The following SPMAP2L variants were observed in gnomAD, a reference collection of about 807,000 sequenced individuals.
The protein encoded by SPMAP2L is sperm microtubule associated protein 2 like.
the SPMAP2L span, among the ~76,000 whole-genome samples, chr4:56,587,101 C>G: frequency 1.3e-5 from 2 of 151,944 alleles, no homozygotes; most frequent in Non-Finnish European, 1.5e-5. Flanking sequence ...ATTTATAATT[C>G]CAGGAGTTTT....
At chr4:56,595,034 A>C in the SPMAP2L span, 1 of 1,606,602 alleles carries the variant, frequency 6.2e-7, no homozygotes. Flanking sequence ...CGGAATGAGG[A>C]TGCCTGTCCT....
At chr4:56,559,928 C>T in the SPMAP2L span, among the ~76,000 whole-genome samples, 1 of 152,146 alleles carries the variant, frequency 6.6e-6, no homozygotes, top group African/African-American at 2.4e-5. Context: ...ACAAATTGTT[C>T]AACGTGCAGT....
chr4:56,576,153 T>C, the SPMAP2L span, among the ~76,000 whole-genome samples: 2 of 152,216 alleles, frequency 1.3e-5, no homozygotes, highest in African/African-American at 4.8e-5. Context: ...TACTGTGTGC[T>C]ACTTTAGTCG....
the SPMAP2L span, chr4:56,593,483 C>T: frequency 3.5e-5 from 56 of 1,595,360 alleles, no homozygotes; most frequent in African/African-American, 9.4e-5. Context: ...GAAGACTTTA[C>T]GGAACTCGTG....
the SPMAP2L span, among the ~76,000 whole-genome samples, chr4:56,565,157 A>G: frequency 4.6e-5 from 7 of 152,216 alleles, no homozygotes; most frequent in African/African-American, 9.6e-5. Context: ...AAAGTGTTCT[A>G]TAAATGTCAC....
At chr4:56,610,225 G>A in the SPMAP2L span, among the ~76,000 whole-genome samples, 1 of 152,146 alleles carries the variant, frequency 6.6e-6, no homozygotes, top group African/African-American at 2.4e-5. Flanking sequence ...TCACCAAACA[G>A]CATAGTACTG....
chr4:56,601,361 G>T, the SPMAP2L span, among the ~76,000 whole-genome samples: 2 of 152,168 alleles, frequency 1.3e-5, no homozygotes, highest in Non-Finnish European at 2.9e-5. Context: ...GATCACACCT[G>T]TAATCCTAGT....
At chr4:56,611,188 C>T in the SPMAP2L span, among the ~76,000 whole-genome samples, 1 of 152,168 alleles carries the variant, frequency 6.6e-6, no homozygotes, top group Admixed American at 6.5e-5. Context: ...AATGTGGAAC[C>T]AACCCAAATG....
the SPMAP2L span, among the ~76,000 whole-genome samples, chr4:56,534,017 A>T: frequency 6.6e-6 from 1 of 152,116 alleles, no homozygotes; most frequent in African/African-American, 2.4e-5. Flanking sequence ...AAAATGCACA[A>T]TAACTCTTAT....
At chr4:56,554,108 G>A in the SPMAP2L span, among the ~76,000 whole-genome samples, 20 of 152,114 alleles carry the variant, frequency 1.3e-4, no homozygotes, top group South Asian at 3.3e-3. Context: ...CTATTTAAGG[G>A]CATCATGGTT....
chr4:56,578,949 A>G, the SPMAP2L span, among the ~76,000 whole-genome samples: 1,040 of 152,126 alleles, frequency 6.8e-3, 13 homozygotes, highest in African/African-American at 0.024. Context: ...AGGAAAGATA[A>G]CAACTATAAA....
chr4:56,571,161 T>C, the SPMAP2L span, among the ~76,000 whole-genome samples: 1 of 151,820 alleles, frequency 6.6e-6, no homozygotes, highest in East Asian at 1.9e-4. Context: ...TTGACTATTT[T>C]ATAATAACAC....
the SPMAP2L span, among the ~76,000 whole-genome samples, chr4:56,587,301 CA>C: frequency 2.8e-5 from 4 of 144,666 alleles, no homozygotes; most frequent in South Asian, 2.2e-4. Context: ...TTGATTTCTT[CA>C]TTCAACTTTT....
chr4:56,533,783 C>CA, the SPMAP2L span, among the ~76,000 whole-genome samples: 32,061 of 136,044 alleles, frequency 0.24, 3,879 homozygotes, highest in African/African-American at 0.31. Flanking sequence ...CTCCTTTCTA[C>CA]AAAAAAAAAA....
At chr4:56,569,732 G>T in the SPMAP2L span, among the ~76,000 whole-genome samples, 1 of 152,098 alleles carries the variant, frequency 6.6e-6, no homozygotes, top group Non-Finnish European at 1.5e-5. Flanking sequence ...ACTTGAGCCT[G>T]GGAGGTCGAG....
chr4:56,537,811 G>C, the SPMAP2L span, among the ~76,000 whole-genome samples: 1 of 151,972 alleles, frequency 6.6e-6, no homozygotes, highest in East Asian at 1.9e-4. Flanking sequence ...TCCTGCTTCA[G>C]CCTCCCGAGT....
the SPMAP2L span, among the ~76,000 whole-genome samples, chr4:56,623,252 T>A: frequency 1.3e-5 from 2 of 152,190 alleles, no homozygotes; most frequent in Non-Finnish European, 2.9e-5. Flanking sequence ...TCTCCTTTTT[T>A]CTTTTTACCC....
chr4:56,538,015 T>A, the SPMAP2L span, among the ~76,000 whole-genome samples: 1 of 152,168 alleles, frequency 6.6e-6, no homozygotes, highest in Admixed American at 6.5e-5. Flanking sequence ...CTACATGAGT[T>A]TCCTGACAAG....
the SPMAP2L span, chr4:56,557,839 G>T: frequency 1.3e-5 from 2 of 152,126 alleles, no homozygotes; most frequent in Non-Finnish European, 2.9e-5. Context: ...GATATTACTA[G>T]CCATGTAACT....
Sources: gnomAD v4.1 joint callset for allele counts (sites outside exome capture counted in the v4.1 genomes callset) on GRCh38, gnomAD v4.1.1 for gene constraint, MANE v1.5 for transcripts, NCBI Gene and HGNC (gene_info 2026-07-23, HGNC 2026-07-21) for gene names.